Variants in RCOR3 observed in about 807,000 individuals in gnomAD.
RCOR3 encodes REST corepressor 3.
RCOR3 carries 13 observed loss-of-function variants against 64.1 expected under a neutral mutation model. The observed-to-expected ratio is 0.20, with a 90% CI of 0.13 to 0.32. RCOR3 has a LOEUF of 0.32. RCOR3 is among the 10% of genes least tolerant of loss of function. RCOR3 has a pLI of 1.00. For missense variants in RCOR3, 489 were observed against 701.2 expected (o/e 0.70, Z 3.42); for synonymous variants, 215 against 239.0 (o/e 0.90, Z 0.93).
At chr1:211,300,296 C>G (rs1268172561) in intron 9 of RCOR3, among the ~76,000 whole-genome samples, 1 of 152,020 alleles carries the variant, frequency 6.6e-6, no homozygotes, top group Non-Finnish European at 1.5e-5. Flanking sequence ...TCTCAAACTC[C>G]TGGGCTCAAG....
chr1:211,304,419 TCTC>T (rs1345927425), intron 10 of RCOR3, among the ~76,000 whole-genome samples: 1 of 152,210 alleles, frequency 6.6e-6, no homozygotes, highest in African/African-American at 2.4e-5. Context: ...TCTCTGTGCT[TCTC>T]CTTTGGTATT....
intron 8 of RCOR3, chr1:211,291,636 T>G (rs1699254436): frequency 4.4e-6 from 2 of 449,596 alleles, no homozygotes; most frequent in African/African-American, 2.0e-5. Flanking sequence ...GGGATCAAGA[T>G]TCTCTATCTT....
intron 10 of RCOR3, among the ~76,000 whole-genome samples, chr1:211,304,525 T>G (rs1269143857): frequency 3.3e-5 from 5 of 152,218 alleles, no homozygotes; most frequent in Non-Finnish European, 7.3e-5. Flanking sequence ...ATTTCTCTAC[T>G]CTGCAAAATA....
At chr1:211,289,517 T>C (rs1698981488) in intron 8 of RCOR3, 121 bp downstream of exon 8, 3 of 761,478 alleles carry the variant, frequency 3.9e-6, no homozygotes, top group Non-Finnish European at 6.3e-6. Flanking sequence ...TATGCAGGTT[T>C]CATTTTTTAA....
chr1:211,268,710 A>T (rs1205881043), intron 2 of RCOR3, among the ~76,000 whole-genome samples: 1 of 152,044 alleles, frequency 6.6e-6, no homozygotes. Flanking sequence ...TTTTTTCATA[A>T]TGAACCTTAA....
chr1:211,279,382 C>A, intron 7 of RCOR3, 66 bp downstream of exon 7: 1 of 1,260,146 alleles, frequency 7.9e-7, no homozygotes, highest in South Asian at 1.3e-5. Context: ...ATGAACAGTA[C>A]TTCGTATTAA....
rs1701625040 is a variant in RCOR3 at position 211,312,694 on chromosome 1, GGT to G, written c.1076-23_1076-22del. The G allele has an allele frequency of 2.7e-6, 4 of 1,502,442 alleles. No homozygotes were observed. In the African/African-American group the frequency reaches 4.1e-5, roughly 15 times the overall value. The allele number at this position is 1,502,442 out of a possible 1,614,324, so 93.1% of individuals were successfully genotyped here. A position where few individuals can be genotyped will look rare whatever the true frequency, so the allele number is the denominator to read the frequency against. ...CAGCTCTCCTTATTGATCCTTCACA[GGT>G]GTATTATTTACTTTGCCTTCCAGGT... On this transcript the variant is annotated intron_variant, in intron 10 of 11. Transcript: ENST00000419091. The surrounding 1 kb of genome is among the most constrained non-coding windows in gnomAD (Gnocchi z 5.0).
chr1:211,287,107 A>G (rs1698644977), intron 7 of RCOR3, among the ~76,000 whole-genome samples: 1 of 152,188 alleles, frequency 6.6e-6, no homozygotes, highest in African/African-American at 2.4e-5. Context: ...CAAACAGATC[A>G]TATAAATTTA....
intron 2 of RCOR3, chr1:211,267,925 A>ACTTTTTTT: frequency 2.9e-6 from 1 of 343,526 alleles, no homozygotes; most frequent in South Asian, 2.2e-5. Context: ...GAAAAATTTA[A>ACTTTTTTT]AAAAAGTTTA....
At chr1:211,300,687 A>G (rs1163722010) in intron 9 of RCOR3, among the ~76,000 whole-genome samples, 2 of 152,206 alleles carry the variant, frequency 1.3e-5, no homozygotes, top group Admixed American at 6.5e-5. Flanking sequence ...AAATTACACA[A>G]ATTTATCCAG....
chr1:211,270,857 CTTT>C (rs1420971089), intron 2 of RCOR3, among the ~76,000 whole-genome samples: 3 of 142,014 alleles, frequency 2.1e-5, no homozygotes, highest in Non-Finnish European at 3.1e-5. Context: ...ATAAAGCTTA[CTTT>C]TTTTTTTTTT....
At chr1:211,259,939 C>A in intron 1 of RCOR3, 169 bp from the exon 2 acceptor site, 1 of 1,321,716 alleles carries the variant, frequency 7.6e-7, no homozygotes, top group Non-Finnish European at 9.8e-7. Flanking sequence ...CCCCCGCTCC[C>A]CGCCCCCAAT....
chr1:211,272,760 T>C (rs1023145998), intron 3 of RCOR3, among the ~76,000 whole-genome samples: 2 of 149,398 alleles, frequency 1.3e-5, no homozygotes, highest in Admixed American at 6.7e-5. Context: ...TAGCTGGGAC[T>C]ACAGGCGCCC....
chr1:211,269,925 C>G (rs1050983436), intron 2 of RCOR3, among the ~76,000 whole-genome samples: 1 of 151,970 alleles, frequency 6.6e-6, no homozygotes, highest in Non-Finnish European at 1.5e-5. Flanking sequence ...GCCAGTAGTT[C>G]AAGACCAGCC....
chr1:211,308,661 G>GGT (rs1701114984), intron 10 of RCOR3, among the ~76,000 whole-genome samples: 2 of 27,488 alleles, frequency 7.3e-5, no homozygotes, highest in African/African-American at 2.2e-4. Flanking sequence ...TTTTGGATGT[G>GGT]TTTTTTTTTT....
chr1:211,264,445 G>T (rs1694863595), intron 2 of RCOR3, among the ~76,000 whole-genome samples: 1 of 152,202 alleles, frequency 6.6e-6, no homozygotes, highest in South Asian at 2.1e-4. Flanking sequence ...TCTTTGGGAG[G>T]CTGAGGTGAG....
rs1402831141 is a variant in RCOR3, at chr1:211,313,318, TTTTGTTTTGA to T, written c.1318-96_1318-87del. On this transcript the variant is annotated intron_variant, in intron 11 of 11. Transcript: ENST00000419091. The surrounding 1 kb of genome is among the most constrained non-coding windows in gnomAD (Gnocchi z 4.7). Reference sequence around the variant, plus strand: ...AATAAACACTGGTGTTATGTTTTTGTTTTGTTTTGATTTGTTTTGTTTTTCCTGTGACAGC... The same window carrying T: ...AATAAACACTGGTGTTATGTTTTTGTTTTGTTTTGTTTTTCCTGTGACAGC... 5.5e-6 allele frequency: 8 copies of T among 1,465,796 alleles called. No homozygotes were observed. The highest frequency in any genetic ancestry group is 7.2e-6 in the Non-Finnish European group (8 of 1,112,492). 90.8% of individuals were successfully genotyped at this position (1,465,796 alleles called of 1,614,324 possible). A position where few individuals can be genotyped will look rare whatever the true frequency, so the allele number is the denominator to read the frequency against.
Position 211,312,571 on chromosome 1 carries a change from A to C in RCOR3, c.1076-149A>C, listed in dbSNP as rs1701603667. 4.3e-6 allele frequency: 3 copies of C among 696,330 alleles called. No individual in the cohort carries two copies. Among genetic ancestry groups the C allele is most frequent in the Non-Finnish European group, 7.7e-6 (3 of 392,000 alleles). 43.1% of individuals were successfully genotyped at this position (696,330 alleles called of 1,614,324 possible). A position where few individuals can be genotyped will look rare whatever the true frequency, so the allele number is the denominator to read the frequency against. ...GATAGTTTTCATCTGTGACCCTGATATCTTAGCCTCTATCTCAGAATTGAG... is the reference window on the plus strand; with the variant it reads ...GATAGTTTTCATCTGTGACCCTGATCTCTTAGCCTCTATCTCAGAATTGAG... On this transcript the variant is annotated intron_variant, in intron 10 of 11. Coordinates refer to ENST00000419091, the MANE Select transcript of RCOR3 (RefSeq NM_001136223.3). This position sits in a 1 kb window ranked among gnomAD's most constrained non-coding sequence, Gnocchi z 5.0.
chr1:211,306,484 A>G (rs6540678), intron 10 of RCOR3, among the ~76,000 whole-genome samples: 145,547 of 152,198 alleles, frequency 0.96, 69,656 homozygotes, highest in East Asian at 1. Flanking sequence ...TTTTACACAT[A>G]TATTTCTGAT....
Sources: gnomAD v4.1 joint callset for allele counts (sites outside exome capture counted in the v4.1 genomes callset) on GRCh38, gnomAD v4.1.1 for gene constraint, Gnocchi (gnomAD v3.1) non-coding constraint, MANE v1.5 for transcripts, NCBI Gene and HGNC (gene_info 2026-07-23, HGNC 2026-07-21) for gene names.